The following SOS2 variants were observed in gnomAD, a reference collection of about 807,000 sequenced individuals.
SOS2 encodes the protein son of sevenless homolog 2.
A neutral mutation model predicts 148.2 loss-of-function variants in SOS2; 65 were observed. The observed-to-expected ratio is 0.44, with a 90% confidence interval of 0.36 to 0.54. The LOEUF (loss-of-function observed/expected upper bound fraction) is 0.54, where lower values mean the gene tolerates loss of function less well. Among genes scored for constraint, SOS2 ranks in the 20% least tolerant of loss-of-function variants. The probability of loss-of-function intolerance (pLI) is 0.00; values close to 1 mark genes in which losing one functional copy is unlikely to be tolerated. For synonymous variants in SOS2, 539 were observed against 537.1 expected, an observed-to-expected ratio of 1.00 and a Z score of -0.05; for missense variants, 1,341 against 1,590.2, an observed-to-expected ratio of 0.84 and a Z score of 2.67.
chr14:50,227,539 G>A (rs932322547), intron 1 of SOS2, among the ~76,000 whole-genome samples: 4 of 151,914 alleles, frequency 2.6e-5, no homozygotes, highest in Non-Finnish European at 4.4e-5. Flanking sequence ...TCAGCCTCCC[G>A]AGTAGCTGGG....
At chr14:50,203,615 C>T (rs1046685209) in intron 2 of SOS2, among the ~76,000 whole-genome samples, 2 of 151,860 alleles carry the variant, frequency 1.3e-5, no homozygotes, top group African/African-American at 4.8e-5. Context: ...TATACACACA[C>T]ACATACATAT....
intron 1 of SOS2, among the ~76,000 whole-genome samples, chr14:50,209,012 C>G (rs1886768946): frequency 6.6e-6 from 1 of 152,130 alleles, no homozygotes; most frequent in South Asian, 2.1e-4. Context: ...GTGGCCTTAT[C>G]CACTTGACTA....
chr14:50,201,892 T>G (rs944576573), intron 2 of SOS2, among the ~76,000 whole-genome samples: 6 of 152,194 alleles, frequency 3.9e-5, no homozygotes, highest in Admixed American at 2.6e-4. Context: ...TCAGAATGGC[T>G]TATGAAAATA....
chr14:50,133,272 G>A (rs1233962833), intron 19 of SOS2, among the ~76,000 whole-genome samples: 1 of 82,254 alleles, frequency 1.2e-5, no homozygotes, highest in Non-Finnish European at 2.3e-5. Flanking sequence ...TTTGAGACGG[G>A]GTCTTGCTCT....
intron 21 of SOS2, among the ~76,000 whole-genome samples, chr14:50,125,091 T>C (rs1014478409): frequency 6.6e-6 from 1 of 152,168 alleles, no homozygotes; most frequent in African/African-American, 2.4e-5. Context: ...TGGAATATAG[T>C]CTTTGCAGAT....
chr14:50,172,419 C>CTTTTTTTT lies in SOS2; in HGVS notation c.1068+2027_1068+2034dup, dbSNP rs768766517. On this transcript the variant is annotated intron_variant, in intron 8 of 22. Coordinates refer to ENST00000216373, the MANE Select transcript of SOS2 (RefSeq NM_006939.4). ...ATGGGTAGTTTCTCTTTATTCATTC[C>CTTTTTTTT]TTTTTTTTTTTTTTCTGAGATGGAG... 1.5e-3 allele frequency among the ~76,000 whole-genome samples: 124 copies of CTTTTTTTT among 82,748 alleles called. 34 individuals carry two copies. Among genetic ancestry groups the CTTTTTTTT allele is most frequent in the Middle Eastern group, 0.01 (1 of 100 alleles). 54.3% of individuals were successfully genotyped at this position (82,748 alleles called of 152,430 possible). A position where few individuals can be genotyped will look rare whatever the true frequency, so the allele number is the denominator to read the frequency against.
chr14:50,159,108 T>C (rs1280391308), intron 10 of SOS2, among the ~76,000 whole-genome samples: 2 of 151,924 alleles, frequency 1.3e-5, no homozygotes, highest in South Asian at 2.1e-4. Context: ...GAGAATGGCG[T>C]GAACCCAGGA....
At chr14:50,149,903 A>G (rs941533782) in intron 14 of SOS2, 105 bp downstream of exon 14, 1 of 790,514 alleles carries the variant, frequency 1.3e-6, no homozygotes, top group Non-Finnish European at 2.2e-6. Flanking sequence ...ATGAGAGTAG[A>G]TGAGGTATTT....
rs1037289442 is a variant in SOS2 at position 50,138,839 on chromosome 14, A to G, written c.2786-55T>C. 11 of 673,138 alleles carry G rather than the reference A, an allele frequency of 1.6e-5. No homozygotes were observed. The African/African-American group carries it at 2.0e-4, about 12-fold the overall frequency. The allele number at this position is 673,138 out of a possible 1,614,324, so 41.7% of individuals were successfully genotyped here. A position where few individuals can be genotyped will look rare whatever the true frequency, so the allele number is the denominator to read the frequency against. On this transcript the variant is annotated intron_variant, in intron 17 of 22. Coordinates refer to ENST00000216373, the MANE Select transcript of SOS2 (RefSeq NM_006939.4). ...AAAGTTATTTTAAATTTTGTTATTTAATCAATTATTTGGGAAAACAACTGA... is the reference window on the plus strand; with the variant it reads ...AAAGTTATTTTAAATTTTGTTATTTGATCAATTATTTGGGAAAACAACTGA...
intron 21 of SOS2, among the ~76,000 whole-genome samples, chr14:50,127,942 C>A (rs1033942739): frequency 1.2e-4 from 18 of 152,148 alleles, no homozygotes; most frequent in African/African-American, 4.3e-4. Flanking sequence ...TTTTTACATT[C>A]TATTTCCAGC....
intron 1 of SOS2, among the ~76,000 whole-genome samples, chr14:50,221,217 AAGAAAAATAAAAT>A (rs1887192860): frequency 6.6e-6 from 1 of 152,232 alleles, no homozygotes; most frequent in Middle Eastern, 3.2e-3. Context: ...TAATTTATGG[AAGAAAAATAAAAT>A]TGAAAAAATA....
intron 8 of SOS2, among the ~76,000 whole-genome samples, chr14:50,169,034 T>C (rs576892662): frequency 6.6e-6 from 1 of 152,190 alleles, no homozygotes; most frequent in Non-Finnish European, 1.5e-5. Flanking sequence ...TTGTTAGGCC[T>C]GGTGCAGTGG....
chr14:50,157,750 T>C (rs1039751135), intron 11 of SOS2, among the ~76,000 whole-genome samples: 1 of 152,134 alleles, frequency 6.6e-6, no homozygotes, highest in Non-Finnish European at 1.5e-5. Context: ...GATAATACAG[T>C]TAATAAGCTT....
At chr14:50,169,935 T>G (rs987930559) in intron 8 of SOS2, among the ~76,000 whole-genome samples, 8 of 152,056 alleles carry the variant, frequency 5.3e-5, no homozygotes, top group African/African-American at 1.9e-4. Context: ...TATTTATTAA[T>G]TTACTTTTAA....
chr14:50,155,147 G>T (rs1884773657), intron 12 of SOS2, among the ~76,000 whole-genome samples: 1 of 151,968 alleles, frequency 6.6e-6, no homozygotes, highest in Admixed American at 6.6e-5. Context: ...GTGGGTTTAT[G>T]GGTGTTCATT....
chr14:50,118,740 A>T lies in SOS2; in HGVS notation c.3603T>A (p.His1201Gln), dbSNP rs143389332. 6.2e-7 allele frequency: 1 copy of T among 1,612,948 alleles called. No homozygotes were observed. The highest frequency in any genetic ancestry group is 2.2e-5 in the East Asian group (1 of 44,828). ...CTCTTGGTGGTGGCGGAGGTGGACT[A>T]TGCAGAGGCCCATCAAATGCACCAG... Reference protein sequence around the residue: ...VPTGAFDGPLHSPPPPPPRDP... With the variant: ...VPTGAFDGPLQSPPPPPPRDP... Residue 1201 changes from histidine to glutamine, a missense_variant, in exon 23 of 23, where the codon CAT becomes CAA. Physicochemically the swap from His to Gln is conservative, Grantham distance 24. Coordinates refer to ENST00000216373, the MANE Select transcript of SOS2 (RefSeq NM_006939.4).
In SOS2 at chr14:50,150,175, C is replaced by A. The variant is rs186110427; in HGVS notation, c.2217G>T (p.Lys739Asn). The change falls in exon 14 of 23, where the codon AAG becomes AAT. Residue 739 changes from lysine (K) to asparagine (N), a missense_variant. Lys to Asn is a moderately conservative substitution (Grantham distance 94). This residue lies in a region of SOS2 where 408 missense variants were observed against 506.6 expected (regional missense o/e 0.81). Coordinates refer to ENST00000216373, the MANE Select transcript of SOS2 (RefSeq NM_006939.4). ...ESIAKIIRRKKQAQANGVSHN... is the reference protein window; with the variant it reads ...ESIAKIIRRKNQAQANGVSHN... The stretch of plus-strand genomic sequence containing the variant: ...GGCTTACTCCGTTTGCCTGAGCTTG[C>A]TTCTTCCTCCTGATGATCTTAGCAA... 3.2e-5 allele frequency: 52 copies of A among 1,613,456 alleles called. No homozygotes were observed. The highest frequency in any genetic ancestry group is 4.1e-5 in the Non-Finnish European group (48 of 1,179,544).
chr14:50,219,191 G>A (rs1039040083), intron 1 of SOS2, among the ~76,000 whole-genome samples: 1 of 151,440 alleles, frequency 6.6e-6, no homozygotes, highest in African/African-American at 2.4e-5. Flanking sequence ...TCCATTCTTT[G>A]TATTGAAACA....
At chr14:50,164,045 T>A (rs1047313661) in intron 8 of SOS2, among the ~76,000 whole-genome samples, 1 of 152,174 alleles carries the variant, frequency 6.6e-6, no homozygotes, top group African/African-American at 2.4e-5. Context: ...TTGCTAAATA[T>A]TTCTTGAATT....
Sources: gnomAD v4.1 joint callset for allele counts (sites outside exome capture counted in the v4.1 genomes callset) on GRCh38, gnomAD v4.1.1 for gene constraint, gnomAD v4.1.1 regional missense constraint, MANE v1.5 for transcripts, NCBI Gene and HGNC (gene_info 2026-07-23, HGNC 2026-07-21) for gene names.